Variants in PPP1R12A observed in about 807,000 individuals in gnomAD.
The protein encoded by PPP1R12A is myosin binding subunit.
Under a neutral mutation model 139.6 loss-of-function variants are expected in PPP1R12A, and 19 were observed. The observed-to-expected ratio is 0.14, with a 90% CI of 0.09 to 0.20. The LOEUF (loss-of-function observed/expected upper bound fraction) is 0.20, where lower values mean the gene tolerates loss of function less well. Ranked by LOEUF, PPP1R12A falls within the 10% of genes least tolerant of loss-of-function variation. PPP1R12A has a pLI of 1.00. For missense variants in PPP1R12A, 925 were observed against 1,211.5 expected, an observed-to-expected ratio of 0.76 and a Z score of 3.51; for synonymous variants, 427 against 420.6, an observed-to-expected ratio of 1.02 and a Z score of -0.19.
At chr12:79,821,264 T>C (rs757703906) in intron 6 of PPP1R12A, 98 bp from the exon 7 acceptor site, 2 of 793,602 alleles carry the variant, frequency 2.5e-6, no homozygotes, top group Non-Finnish European at 4.1e-6. Context: ...TTTTCAGACA[T>C]TAAATAAGAC....
At chr12:79,921,129 T>C (rs887258899) in intron 1 of PPP1R12A, among the ~76,000 whole-genome samples, 2 of 152,176 alleles carry the variant, frequency 1.3e-5, no homozygotes, top group Non-Finnish European at 2.9e-5. Flanking sequence ...GAAGAGACCT[T>C]TAATATATGT....
At chr12:79,805,288 GTTC>G (rs1254583000) in intron 14 of PPP1R12A, among the ~76,000 whole-genome samples, 3 of 152,098 alleles carry the variant, frequency 2.0e-5, no homozygotes, top group African/African-American at 4.8e-5. Context: ...GGTGTTTTCA[GTTC>G]TTCATCAAAA....
intron 5 of PPP1R12A, among the ~76,000 whole-genome samples, chr12:79,826,784 GA>G (rs948992678): frequency 6.6e-6 from 1 of 152,128 alleles, no homozygotes; most frequent in African/African-American, 2.4e-5. Context: ...TTCAGTAGGG[GA>G]AACACACCAT....
At chr12:79,879,341 C>A (rs1565793752) in intron 1 of PPP1R12A, among the ~76,000 whole-genome samples, 2 of 151,992 alleles carry the variant, frequency 1.3e-5, no homozygotes, top group African/African-American at 2.4e-5. Context: ...AGCTCCAAGC[C>A]TGAGCAACAG....
intron 20 of PPP1R12A, chr12:79,789,518 G>A (rs747857101): frequency 3.8e-5 from 13 of 343,834 alleles, no homozygotes; most frequent in South Asian, 1.6e-4. Flanking sequence ...GACAAGTAAT[G>A]GGTTTGTCCT....
intron 1 of PPP1R12A, among the ~76,000 whole-genome samples, chr12:79,873,242 A>G (rs1297882959): frequency 1.3e-5 from 2 of 152,186 alleles, no homozygotes; most frequent in East Asian, 3.9e-4. Context: ...TAGTCTCTAT[A>G]GCAGTGGTTC....
At chr12:79,804,265 G>A (rs931767325) in intron 14 of PPP1R12A, among the ~76,000 whole-genome samples, 1 of 151,964 alleles carries the variant, frequency 6.6e-6, no homozygotes, top group African/African-American at 2.4e-5. Context: ...TGGCTCTGTG[G>A]TCTTACTGAG....
chr12:79,895,639 G>A (rs1885063909), intron 1 of PPP1R12A, among the ~76,000 whole-genome samples: 2 of 152,192 alleles, frequency 1.3e-5, no homozygotes, highest in Middle Eastern at 3.4e-3. Flanking sequence ...AGACATAAAG[G>A]TATACCCCAA....
intron 20 of PPP1R12A, among the ~76,000 whole-genome samples, 182 bp from the exon 21 acceptor site, chr12:79,788,965 C>T (rs1040648808): frequency 6.6e-6 from 1 of 152,074 alleles, no homozygotes; most frequent in Non-Finnish European, 1.5e-5. Flanking sequence ...TAGATAGGGT[C>T]TCACTCTGCT....
intron 1 of PPP1R12A, among the ~76,000 whole-genome samples, chr12:79,886,873 T>C (rs897780793): frequency 2.0e-5 from 3 of 152,200 alleles, no homozygotes; most frequent in Non-Finnish European, 4.4e-5. Context: ...AGCTCTGTTA[T>C]TTCCTTTACT....
chr12:79,845,645 C>T (rs1423904831), intron 2 of PPP1R12A, among the ~76,000 whole-genome samples: 1 of 152,032 alleles, frequency 6.6e-6, no homozygotes, highest in Non-Finnish European at 1.5e-5. Context: ...TCAAGACCAT[C>T]CTAACACGGT....
At chr12:79,816,171 A>C (rs1875357053) in intron 9 of PPP1R12A, among the ~76,000 whole-genome samples, 1 of 152,190 alleles carries the variant, frequency 6.6e-6, no homozygotes. Flanking sequence ...AGGCAACTAA[A>C]CACAATGTAC....
chr12:79,779,439 T>C (rs1234995199), intron 23 of PPP1R12A: 6 of 996,836 alleles, frequency 6.0e-6, no homozygotes, highest in Non-Finnish European at 8.3e-6. Flanking sequence ...ATAATGCTGA[T>C]ATTTAGTCAA....
chr12:79,929,707 T>C (rs990145884), intron 1 of PPP1R12A, among the ~76,000 whole-genome samples: 8 of 151,592 alleles, frequency 5.3e-5, no homozygotes, highest in African/African-American at 1.9e-4. Flanking sequence ...CGGCGGAGTT[T>C]GCAGTAAGCC....
chr12:79,806,455 C>G, intron 12 of PPP1R12A, 122 bp from the exon 13 acceptor site: 3 of 778,376 alleles, frequency 3.9e-6, no homozygotes, highest in Non-Finnish European at 5.9e-6. Flanking sequence ...CCTAAATACA[C>G]CACCAGCTCC....
In PPP1R12A at chr12:79,920,135, CT is replaced by C. The variant is rs1345863726; in HGVS notation, c.237+14559del. Among the ~76,000 whole-genome samples the C allele has an allele frequency of 4.6e-5, 7 of 152,320 alleles. No individual in the cohort carries two copies. The South Asian group carries it at 1.4e-3, about 32-fold the overall frequency. ...TAAATGGAATCATACACCATGTGGT[CT>C]TTTGTGACTGGCTTCTTTCACTTAG... On this transcript the variant is annotated intron_variant, in intron 1 of 24. Coordinates refer to ENST00000450142, the MANE Select transcript of PPP1R12A (RefSeq NM_002480.3).
At chr12:79,874,042 G>A (rs551490509) in intron 1 of PPP1R12A, among the ~76,000 whole-genome samples, 15 of 152,252 alleles carry the variant, frequency 9.9e-5, no homozygotes, top group East Asian at 7.7e-4. Flanking sequence ...TTGGGAGGCC[G>A]AGGCGGGCAG....
chr12:79,835,518 TG>T (rs776862009), intron 3 of PPP1R12A, among the ~76,000 whole-genome samples: 2 of 152,190 alleles, frequency 1.3e-5, no homozygotes, highest in Non-Finnish European at 2.9e-5. Flanking sequence ...GTCTTCTAAA[TG>T]GCCCCTATCA....
At chr12:79,820,081 T>TC (rs753411080) in intron 8 of PPP1R12A, among the ~76,000 whole-genome samples, 266 of 152,148 alleles carry the variant, frequency 1.7e-3, no homozygotes, top group Non-Finnish European at 3.2e-3. Flanking sequence ...TACATATGAA[T>TC]ACACATATGT....
Sources: gnomAD v4.1 joint callset for allele counts (sites outside exome capture counted in the v4.1 genomes callset) on GRCh38, gnomAD v4.1.1 for gene constraint, MANE v1.5 for transcripts, NCBI Gene and HGNC (gene_info 2026-07-23, HGNC 2026-07-21) for gene names.